Variants in STEAP1B observed in about 807,000 individuals in gnomAD.
STEAP1B encodes STEAP family protein MGC87042.
Under a neutral mutation model 27.9 loss-of-function variants are expected in STEAP1B, and 13 were observed. The ratio of observed to expected loss-of-function variants is 0.47; its 90% CI spans 0.30 to 0.74. The LOEUF (loss-of-function observed/expected upper bound fraction) is 0.74, where lower values mean the gene tolerates loss of function less well. Ranked by LOEUF, STEAP1B falls within the 30% of genes least tolerant of loss-of-function variation. The pLI is 0.06. For synonymous variants in STEAP1B, 86 were observed against 107.1 expected, an observed-to-expected ratio of 0.80 and a Z score of 1.22; for missense variants, 250 against 298.7, an observed-to-expected ratio of 0.84 and a Z score of 1.20.
In STEAP1B at chr7:22,419,555, G is replaced by T. The variant is rs551332101; in HGVS notation, c.*249C>A. On this transcript the variant is annotated 3_prime_UTR_variant, in exon 5 of 5. Transcript: ENST00000678116. ...GTCGGGATAGGCTAGGTTAGGCTCC[G>T]TAACAACCAACACAATCTCAGTGGA... The T allele has an allele frequency of 1.5e-5, 5 of 330,362 alleles. No individual in the cohort carries two copies. Among genetic ancestry groups the T allele is most frequent in the Non-Finnish European group, 2.2e-5 (4 of 180,982 alleles). The allele number at this position is 330,362 out of a possible 1,614,324, so 20.5% of individuals were successfully genotyped here.
chr7:22,468,873 A>G lies in STEAP1B; in HGVS notation c.762+23692T>C, dbSNP rs557312346. 2.0e-4 allele frequency among the ~76,000 whole-genome samples: 30 copies of G among 152,296 alleles called. 1 individual carries two copies. In the South Asian group the frequency reaches 5.0e-3, roughly 25 times the overall value. The stretch of plus-strand genomic sequence containing the variant: ...TTTGTTGTGATGCTGGTATAAACAA[A>G]CCTATTGCACTGCCAGTCATACAAA... On this transcript the variant is annotated intron_variant, in intron 4 of 4. Transcript: ENST00000678116.
intron 4 of STEAP1B, among the ~76,000 whole-genome samples, chr7:22,478,262 T>G (rs1786008005): frequency 6.6e-6 from 1 of 152,230 alleles, no homozygotes; most frequent in Non-Finnish European, 1.5e-5. Context: ...CTTCGGTTAC[T>G]TAAGGCAATG....
chr7:22,422,637 G>A (rs1008588900), intron 4 of STEAP1B, among the ~76,000 whole-genome samples: 1 of 152,104 alleles, frequency 6.6e-6, no homozygotes, highest in Non-Finnish European at 1.5e-5. Flanking sequence ...GGGATTACAG[G>A]CACCCACCCC....
chr7:22,450,639 T>C (rs1379113551), intron 4 of STEAP1B, among the ~76,000 whole-genome samples: 2 of 151,536 alleles, frequency 1.3e-5, no homozygotes, highest in Non-Finnish European at 2.9e-5. Flanking sequence ...GCCATGGGTC[T>C]TTTGTGGTTC....
At chr7:22,485,985 T>C (rs1390479640) in intron 4 of STEAP1B, among the ~76,000 whole-genome samples, 2 of 152,172 alleles carry the variant, frequency 1.3e-5, no homozygotes, top group Non-Finnish European at 2.9e-5. Flanking sequence ...ACACAGCTAT[T>C]AGTATACTGC....
chr7:22,465,306 C>T (rs551876323), intron 4 of STEAP1B, among the ~76,000 whole-genome samples: 2 of 151,992 alleles, frequency 1.3e-5, no homozygotes, highest in Non-Finnish European at 2.9e-5. Context: ...AGACCATGGT[C>T]GACCTTGGAT....
chr7:22,458,693 G>C (rs917057646), intron 4 of STEAP1B, among the ~76,000 whole-genome samples: 7 of 152,318 alleles, frequency 4.6e-5, no homozygotes, highest in Admixed American at 3.9e-4. Flanking sequence ...GAAGCTTGGA[G>C]GGGAACTATA....
rs1161052913 is a variant in STEAP1B at position 22,493,753 on chromosome 7, G to T, written c.168C>A (p.Asp56Glu). The T allele has an allele frequency of 2.5e-6, 4 of 1,613,746 alleles. No homozygotes were observed. In the African/African-American group the frequency reaches 5.3e-5, roughly 22 times the overall value. ...LQQTAHADEF[D>E]CPSELQHAQE... ...GTGCGTGCTGAAGTTCTGAAGGGCA[G>T]TCAAATTCATCAGCATGGGCTGTTT... is the stretch of plus-strand genomic sequence containing the variant. The change falls in exon 3 of 5, where the codon GAC becomes GAA. Residue 56 changes from aspartate to glutamate, a missense_variant. By Grantham distance (45) the Asp-to-Glu change is conservative. Coordinates refer to ENST00000678116, the MANE Select transcript of STEAP1B (RefSeq NM_001382447.1).
intron 4 of STEAP1B, among the ~76,000 whole-genome samples, chr7:22,422,042 T>C (rs1223583994): frequency 6.6e-6 from 1 of 152,274 alleles, no homozygotes; most frequent in Non-Finnish European, 1.5e-5. Context: ...CTCATTTGAA[T>C]GTTTTTATCT....
chr7:22,490,572 C>T (rs771220106), intron 4 of STEAP1B, among the ~76,000 whole-genome samples: 3 of 152,146 alleles, frequency 2.0e-5, no homozygotes, highest in East Asian at 1.9e-4. Context: ...TTTTGTATTA[C>T]CGTCCTTTCT....
At position 22,439,171 on chromosome 7, in the gene STEAP1B, T is replaced by C. The variant is rs1785295319; in HGVS notation, c.763-19335A>G. On this transcript the variant is annotated intron_variant, in intron 4 of 4. Transcript: ENST00000678116. ...CATCAGAACTGTTTTAAGAATGCCG[T>C]GCCCCTAAACAGTTTCACTTGTGCA... 3.3e-5 allele frequency among the ~76,000 whole-genome samples: 5 copies of C among 151,488 alleles called. No homozygotes were observed. In the South Asian group the frequency reaches 6.2e-4, roughly 19 times the overall value.
intron 4 of STEAP1B, among the ~76,000 whole-genome samples, chr7:22,461,139 G>T (rs958134445): frequency 6.6e-6 from 1 of 152,126 alleles, no homozygotes; most frequent in Non-Finnish European, 1.5e-5. Flanking sequence ...CACTCATTCT[G>T]GCTGTCAAAT....
At chr7:22,499,959 G>T (rs1268354659) in intron 1 of STEAP1B, among the ~76,000 whole-genome samples, 155 bp downstream of exon 1, 1 of 152,218 alleles carries the variant, frequency 6.6e-6, no homozygotes, top group Non-Finnish European at 1.5e-5. Flanking sequence ...GAAGAATTGA[G>T]CACCGCTCGC....
At chr7:22,441,492 T>C (rs1271530890) in intron 4 of STEAP1B, among the ~76,000 whole-genome samples, 1 of 142,010 alleles carries the variant, frequency 7.0e-6, no homozygotes, top group Non-Finnish European at 1.5e-5. Context: ...TCAATTACAG[T>C]CTGTGAGACA....
intron 4 of STEAP1B, among the ~76,000 whole-genome samples, chr7:22,485,368 T>A (rs949143661): frequency 6.6e-6 from 1 of 152,242 alleles, no homozygotes; most frequent in African/African-American, 2.4e-5. Context: ...AAAAGATGAC[T>A]CACTGAAAGC....
At chr7:22,438,805 G>A (rs1385356652) in intron 4 of STEAP1B, 1 of 1,499,552 alleles carries the variant, frequency 6.7e-7, no homozygotes, top group Non-Finnish European at 8.9e-7. Context: ...AAAGTATGTG[G>A]GAATTAAAAG....
chr7:22,460,748 C>G (rs1785664443), intron 4 of STEAP1B, among the ~76,000 whole-genome samples: 1 of 152,204 alleles, frequency 6.6e-6, no homozygotes, highest in Non-Finnish European at 1.5e-5. Context: ...ATCACACTCA[C>G]ACCAACTCCT....
chr7:22,485,944 G>A lies in STEAP1B; in HGVS notation c.762+6621C>T, dbSNP rs146929105. Among the ~76,000 whole-genome samples the A allele has an allele frequency of 2.0e-3, 303 of 152,218 alleles. 1 individual carries two copies. The highest frequency in any genetic ancestry group is 5.3e-3 in the African/African-American group (220 of 41,530). On this transcript the variant is annotated intron_variant, in intron 4 of 4. Coordinates refer to ENST00000678116, the MANE Select transcript of STEAP1B (RefSeq NM_001382447.1). ...TGGGGACTCCACTTTAAGAACCACC[G>A]GTTAAGAGGCCTGAATGAGATAATA...
At chr7:22,419,916 G>T in intron 4 of STEAP1B, 80 bp from the exon 5 acceptor site, 1 of 1,450,670 alleles carries the variant, frequency 6.9e-7, no homozygotes, top group Non-Finnish European at 9.2e-7. Context: ...ATTTTATTAT[G>T]GAAAACATGA....
Sources: allele counts gnomAD v4.1 joint callset (sites outside exome capture counted in the v4.1 genomes callset), GRCh38; gene constraint gnomAD v4.1.1; transcripts MANE v1.5; gene names NCBI Gene and HGNC (gene_info 2026-07-23, HGNC 2026-07-21).